Variants in DMD observed in about 807,000 individuals in gnomAD.
DMD encodes the protein mutant dystrophin.
Under a neutral mutation model 330.1 loss-of-function variants are expected in DMD, and 63 were observed. The ratio of observed to expected loss-of-function variants is 0.19; its 90% CI spans 0.16 to 0.24. The LOEUF (loss-of-function observed/expected upper bound fraction) is 0.24, where lower values mean the gene tolerates loss of function less well. Ranked by LOEUF, DMD falls within the 10% of genes least tolerant of loss-of-function variation. DMD has a pLI of 1.00. For synonymous variants in DMD, 1,223 were observed against 959.8 expected (o/e 1.27, Z -5.07); for missense variants, 3,344 against 2,684.1 (o/e 1.25, Z -5.43).
At chrX:32,430,444 C>A (rs2098233486) in intron 29 of DMD, among the ~76,000 whole-genome samples, 1 of 111,557 alleles carries the variant, frequency 9.0e-6, no homozygotes. Flanking sequence ...AATTAACATA[C>A]ACAAGTTGCT....
At chrX:31,140,306 A>C (rs757228283) in intron 76 of DMD, among the ~76,000 whole-genome samples, 24 of 112,539 alleles carry the variant, frequency 2.1e-4, no homozygotes, top group African/African-American at 7.1e-4. Context: ...GAATCTAAAC[A>C]AATTATTTTC....
chrX:32,987,459 C>T (rs1462737625), intron 2 of DMD, among the ~76,000 whole-genome samples: 2 of 111,408 alleles, frequency 1.8e-5, no homozygotes, highest in Non-Finnish European at 3.8e-5. Context: ...GTATAGCAGC[C>T]AGACAAAACA....
At chrX:31,134,731 C>CT (rs2034990263) in intron 76 of DMD, among the ~76,000 whole-genome samples, 1 of 112,457 alleles carries the variant, frequency 8.9e-6, no homozygotes, top group Non-Finnish European at 1.9e-5. Flanking sequence ...TACTGCGTAT[C>CT]TTTTTAAAAG....
intron 29 of DMD, among the ~76,000 whole-genome samples, chrX:32,431,141 T>C (rs1255662404): frequency 9.0e-6 from 1 of 111,089 alleles, no homozygotes; most frequent in Non-Finnish European, 1.9e-5. Flanking sequence ...GGAATCTCCA[T>C]ACTGTTTTCC....
At chrX:32,995,339 T>C (rs1213401410) in intron 2 of DMD, among the ~76,000 whole-genome samples, 4 of 112,339 alleles carry the variant, frequency 3.6e-5, no homozygotes, top group African/African-American at 1.3e-4. Flanking sequence ...TTCCTAGTTA[T>C]GTGATTTTGC....
At chrX:33,009,351 C>T (rs201757406) in intron 2 of DMD, among the ~76,000 whole-genome samples, 1 of 25,077 alleles carries the variant, frequency 4.0e-5, no homozygotes. Flanking sequence ...TGTATATACA[C>T]ATGTGTGTAT....
intron 42 of DMD, among the ~76,000 whole-genome samples, chrX:32,300,648 G>C (rs2097519410): frequency 9.0e-6 from 1 of 111,348 alleles, no homozygotes; most frequent in Admixed American, 9.6e-5. Context: ...AATCCAAATA[G>C]AAAAATTGAC....
At chrX:32,864,865 G>T (rs956748919) in intron 2 of DMD, among the ~76,000 whole-genome samples, 1 of 111,922 alleles carries the variant, frequency 8.9e-6, no homozygotes, top group Non-Finnish European at 1.9e-5. Context: ...TATAATCCTT[G>T]AAGTTGATAA....
In DMD at chrX:31,121,528, C is replaced by CTTTATAACTGTTATAAATTTTT. The variant is rs2032551036; in HGVS notation, c.*369_*390dup. The stretch of plus-strand genomic sequence containing the variant: ...AAGCACACTTTAGTTTACAATCTTT[C>CTTTATAACTGTTATAAATTTTT]TTTATAACTGTTATAAATTTTTAAA... On this transcript the variant is annotated 3_prime_UTR_variant, in exon 79 of 79. Coordinates refer to ENST00000357033, the MANE Select transcript of DMD (RefSeq NM_004006.3). 1 of 211,031 alleles carries CTTTATAACTGTTATAAATTTTT rather than the reference C, an allele frequency of 4.7e-6. No individual in the cohort carries two copies. Among genetic ancestry groups the CTTTATAACTGTTATAAATTTTT allele is most frequent in the Admixed American group, 6.9e-5 (1 of 14,504 alleles). The allele number at this position is 211,031 out of a possible 1,213,427, so 17.4% of individuals were successfully genotyped here.
intron 27 of DMD, among the ~76,000 whole-genome samples, chrX:32,445,266 A>G (rs1295261767): frequency 1.8e-5 from 2 of 110,910 alleles, no homozygotes; most frequent in Non-Finnish European, 3.8e-5. Flanking sequence ...TGGTGATAAT[A>G]TATAGAAGAG....
At chrX:32,959,540 G>A (rs766131541) in intron 2 of DMD, among the ~76,000 whole-genome samples, 51 of 110,457 alleles carry the variant, frequency 4.6e-4, no homozygotes, top group Non-Finnish European at 8.9e-4. Context: ...CTTCAATATC[G>A]GGCTACATCT....
chrX:31,185,902 A>C (rs543083238), intron 67 of DMD, among the ~76,000 whole-genome samples: 1 of 112,126 alleles, frequency 8.9e-6, no homozygotes, highest in Non-Finnish European at 1.9e-5. Context: ...AGAACCAAGA[A>C]GCATTACTTA....
chrX:32,719,257 T>C (rs182810162), intron 7 of DMD, among the ~76,000 whole-genome samples: 11 of 112,039 alleles, frequency 9.8e-5, no homozygotes, highest in Non-Finnish European at 1.7e-4. Flanking sequence ...TGGAAGCAAA[T>C]AGCTTCAAAT....
intron 4 of DMD, among the ~76,000 whole-genome samples, chrX:32,840,983 A>C (rs73462872): frequency 0.028 from 3,116 of 111,803 alleles, 91 homozygotes; most frequent in African/African-American, 0.097. Context: ...CCAACTCTTT[A>C]ATTAGTTGCC....
At chrX:31,321,601 A>G in intron 62 of DMD, among the ~76,000 whole-genome samples, 1 of 93,773 alleles carries the variant, frequency 1.1e-5, no homozygotes, top group African/African-American at 5.1e-5. Flanking sequence ...AAAAAAAAAA[A>G]AAAAAAAAAG....
chrX:33,201,527 T>A (rs1189691784), intron 1 of DMD, among the ~76,000 whole-genome samples: 1 of 111,490 alleles, frequency 9.0e-6, no homozygotes, highest in Non-Finnish European at 1.9e-5. Flanking sequence ...ATTTACCTCA[T>A]AGCATAATAT....
At chrX:32,550,723 G>C (rs1434033773) in intron 16 of DMD, among the ~76,000 whole-genome samples, 1 of 109,691 alleles carries the variant, frequency 9.1e-6, no homozygotes, top group Non-Finnish European at 1.9e-5. Flanking sequence ...TAATAATAAA[G>C]ATAGACCACT....
chrX:32,864,303 G>C (rs191582895), intron 2 of DMD, among the ~76,000 whole-genome samples: 1 of 111,608 alleles, frequency 9.0e-6, no homozygotes, highest in East Asian at 2.8e-4. Flanking sequence ...CACACAGCAA[G>C]TAAGTGCTAG....
chrX:31,871,428 GCATTT>G (rs1303160313), intron 48 of DMD, among the ~76,000 whole-genome samples: 1 of 110,905 alleles, frequency 9.0e-6, no homozygotes, highest in Non-Finnish European at 1.9e-5. Context: ...ACAGCTAGCT[GCATTT>G]CATCAATAAG....
Sources: gnomAD v4.1 joint callset for allele counts (sites outside exome capture counted in the v4.1 genomes callset) on GRCh38, gnomAD v4.1.1 for gene constraint, MANE v1.5 for transcripts, NCBI Gene and HGNC (gene_info 2026-07-23, HGNC 2026-07-21) for gene names.